OSBPL3: variants seen among roughly 807,000 people sequenced by gnomAD.
OSBPL3 encodes oxysterol binding protein like 3.
A neutral mutation model predicts 120.1 loss-of-function variants in OSBPL3; 65 were observed. That is an observed-to-expected ratio of 0.54 (90% CI 0.44 to 0.67). The LOEUF (loss-of-function observed/expected upper bound fraction) is 0.67, where lower values mean the gene tolerates loss of function less well. Ranked by LOEUF, OSBPL3 falls within the 30% of genes least tolerant of loss-of-function variation. The pLI is 0.00. For missense variants in OSBPL3, 1,004 were observed against 1,082.1 expected, an observed-to-expected ratio of 0.93 and a Z score of 1.01; for synonymous variants, 416 against 402.6, an observed-to-expected ratio of 1.03 and a Z score of -0.40.
At chr7:24,847,009 G>A (rs932621719) in intron 12 of OSBPL3, among the ~76,000 whole-genome samples, 6 of 143,456 alleles carry the variant, frequency 4.2e-5, no homozygotes, top group East Asian at 2.0e-4. Context: ...GCAGTGAGCC[G>A]AAAAGGTGCC....
rs1794984154 is a variant in OSBPL3 at position 24,820,428 on chromosome 7, G to A, written c.1885-190C>T. Among the ~76,000 whole-genome samples the A allele has an allele frequency of 6.6e-6, 1 of 152,278 alleles. No homozygotes were observed. The highest frequency in any genetic ancestry group is 1.9e-4 in the East Asian group (1 of 5,174). The stretch of plus-strand genomic sequence containing the variant: ...GATACAGTCAGCTCCCACTTGCTCA[G>A]ATTGGTCAAGGCTGAGGGGAAGGCC... On this transcript the variant is annotated intron_variant, in intron 16 of 22. Transcript: ENST00000313367. The surrounding 1 kb of genome is among the most constrained non-coding windows in gnomAD (Gnocchi z 4.6).
At chr7:24,974,900 A>G (rs1259121062) in intron 1 of OSBPL3, among the ~76,000 whole-genome samples, 2 of 152,190 alleles carry the variant, frequency 1.3e-5, no homozygotes, top group Non-Finnish European at 2.9e-5. Context: ...AGAGGGTGAT[A>G]AATGTTTTAA....
intron 1 of OSBPL3, among the ~76,000 whole-genome samples, chr7:24,904,782 T>C (rs995634779): frequency 2.6e-5 from 4 of 151,428 alleles, no homozygotes; most frequent in Non-Finnish European, 1.5e-5. Context: ...TCCACTTATA[T>C]GAGATATTTA....
At chr7:24,979,005 C>G (rs563299106) in intron 1 of OSBPL3, among the ~76,000 whole-genome samples, 1 of 152,298 alleles carries the variant, frequency 6.6e-6, no homozygotes, top group African/African-American at 2.4e-5. Flanking sequence ...TCAGCGACTC[C>G]AGAGGCCACA....
rs373293952 is a variant in OSBPL3, at chr7:24,832,938, T to C, written c.1746+1548A>G. On this transcript the variant is annotated intron_variant, in intron 15 of 22. Transcript: ENST00000313367. ...TCCTCAAACCTCTGCTCAAGGTCAA[T>C]TACACTGATCAATCAGCTGAATATC... 2.0e-5 allele frequency among the ~76,000 whole-genome samples: 3 copies of C among 152,174 alleles called. No homozygotes were observed. The East Asian group carries it at 5.8e-4, about 29-fold the overall frequency.
At chr7:24,934,169 T>C (rs141657541) in intron 1 of OSBPL3, among the ~76,000 whole-genome samples, 1 of 152,298 alleles carries the variant, frequency 6.6e-6, no homozygotes, top group East Asian at 1.9e-4. Context: ...GTATCAATCA[T>C]CTCAACAAAT....
chr7:24,905,772 T>C (rs111691091), intron 1 of OSBPL3, among the ~76,000 whole-genome samples: 42,538 of 152,120 alleles, frequency 0.28, 6,068 homozygotes, highest in South Asian at 0.4. Flanking sequence ...GGCTCAGGCC[T>C]GTAATCTCAG....
chr7:24,829,469 C>T (rs1796108395), intron 16 of OSBPL3, among the ~76,000 whole-genome samples: 1 of 152,180 alleles, frequency 6.6e-6, no homozygotes, highest in Admixed American at 6.5e-5. Flanking sequence ...AAGATAAGCA[C>T]TATCATCATA....
rs566063897 is a variant in OSBPL3, at chr7:24,971,634, G to A, written c.-150+8252C>T. On this transcript the variant is annotated intron_variant, in intron 1 of 22. Coordinates refer to ENST00000313367, the MANE Select transcript of OSBPL3 (RefSeq NM_015550.4). ...AAGGCAAGAAGTGACTTCTCAAATG[G>A]AAATCAGGAAGGGTAAAGGGATGTT... 1.8e-4 allele frequency among the ~76,000 whole-genome samples: 28 copies of A among 152,342 alleles called. No individual in the cohort carries two copies. The South Asian group carries it at 5.8e-3, about 32-fold the overall frequency.
chr7:24,880,609 GAAT>G (rs2128308022), intron 2 of OSBPL3, among the ~76,000 whole-genome samples: 1 of 152,276 alleles, frequency 6.6e-6, no homozygotes, highest in East Asian at 1.9e-4. Flanking sequence ...TACCATCATG[GAAT>G]ATTTAAGTCT....
intron 5 of OSBPL3, among the ~76,000 whole-genome samples, 154 bp from the exon 6 acceptor site, chr7:24,866,391 A>C (rs1166247409): frequency 6.6e-6 from 1 of 152,204 alleles, no homozygotes; most frequent in Non-Finnish European, 1.5e-5. Context: ...TAATTCCAGC[A>C]ATTTGGAAGG....
In OSBPL3 at chr7:24,913,947, A is replaced by G. The variant is rs550724075; in HGVS notation, c.-149-21326T>C. 1.4e-4 allele frequency among the ~76,000 whole-genome samples: 22 copies of G among 152,290 alleles called. No homozygotes were observed. In the South Asian group the frequency reaches 4.1e-3, roughly 29 times the overall value. On this transcript the variant is annotated intron_variant, in intron 1 of 22. Transcript: ENST00000313367. This position sits in a 1 kb window ranked among gnomAD's most constrained non-coding sequence, Gnocchi z 5.3. Reference sequence around the variant, plus strand: ...TTTCCTAAGGAGCAGATTCATTACGAAAGAGTCAAAATCGCAAGCACCATT... The same window carrying G: ...TTTCCTAAGGAGCAGATTCATTACGGAAGAGTCAAAATCGCAAGCACCATT...
At chr7:24,839,922 C>T (rs1344260431) in intron 14 of OSBPL3, among the ~76,000 whole-genome samples, 1 of 134,804 alleles carries the variant, frequency 7.4e-6, no homozygotes, top group Non-Finnish European at 1.5e-5. Flanking sequence ...ACCCGGGAGG[C>T]AGAGGCTGCA....
At chr7:24,909,723 C>A (rs1808500807) in intron 1 of OSBPL3, among the ~76,000 whole-genome samples, 1 of 149,722 alleles carries the variant, frequency 6.7e-6, no homozygotes, top group South Asian at 2.1e-4. Context: ...GAACCTATGG[C>A]AGTAAGAATC....
chr7:24,861,200 T>C (rs1051768627), intron 10 of OSBPL3, among the ~76,000 whole-genome samples: 22 of 152,368 alleles, frequency 1.4e-4, no homozygotes, highest in African/African-American at 5.3e-4. Context: ...CTATTTCTAA[T>C]TTTTGATGTG....
intron 1 of OSBPL3, among the ~76,000 whole-genome samples, chr7:24,945,537 C>T (rs960150009): frequency 7.9e-5 from 12 of 152,186 alleles, no homozygotes; most frequent in Non-Finnish European, 1.2e-4. Context: ...ACATCCTGCA[C>T]GAAGGGCAGT....
In OSBPL3 at chr7:24,966,310, C is replaced by A. The variant is rs1490056002; in HGVS notation, c.-150+13576G>T. On this transcript the variant is annotated intron_variant, in intron 1 of 22. Coordinates refer to ENST00000313367, the MANE Select transcript of OSBPL3 (RefSeq NM_015550.4). This position sits in a 1 kb window ranked among gnomAD's most constrained non-coding sequence, Gnocchi z 4.8. The stretch of plus-strand genomic sequence containing the variant: ...CCTAGCATCTGTCAGACAAAGGTGT[C>A]TTATCTGTGGGTCAGAAAAGGCAGT... Among the ~76,000 whole-genome samples the A allele has an allele frequency of 6.6e-6, 1 of 152,196 alleles. No individual in the cohort carries two copies. The highest frequency in any genetic ancestry group is 2.4e-5 in the African/African-American group (1 of 41,428).
Position 24,936,793 on chromosome 7 carries a change from T to C in OSBPL3, c.-150+43093A>G, listed in dbSNP as rs1584674620. ...AAAAGTTTGCCTGCATTATCCTATA[T>C]GCAGTAGGAAACTCAAAGGCTTTTA... On this transcript the variant is annotated intron_variant, in intron 1 of 22. Transcript: ENST00000313367. This position sits in a 1 kb window ranked among gnomAD's most constrained non-coding sequence, Gnocchi z 4.2. Among the ~76,000 whole-genome samples the C allele has an allele frequency of 6.6e-6, 1 of 152,220 alleles. No individual in the cohort carries two copies. The highest frequency in any genetic ancestry group is 1.5e-5 in the Non-Finnish European group (1 of 68,040).
chr7:24,962,529 C>T (rs963800655), intron 1 of OSBPL3, among the ~76,000 whole-genome samples: 1 of 151,682 alleles, frequency 6.6e-6, no homozygotes, highest in African/African-American at 2.4e-5. Flanking sequence ...ACAGCCCTGA[C>T]AACTCTGGCC....
Sources: gnomAD v4.1 joint callset for allele counts (sites outside exome capture counted in the v4.1 genomes callset) on GRCh38, gnomAD v4.1.1 for gene constraint, Gnocchi (gnomAD v3.1) non-coding constraint, MANE v1.5 for transcripts, NCBI Gene and HGNC (gene_info 2026-07-23, HGNC 2026-07-21) for gene names.